The following BMP6 variants were observed in gnomAD, a reference collection of about 807,000 sequenced individuals.
The protein encoded by BMP6 is VG-1-R.
A neutral mutation model predicts 54.1 loss-of-function variants in BMP6; 17 were observed. The ratio of observed to expected loss-of-function variants is 0.31; its 90% CI spans 0.22 to 0.47. The LOEUF is 0.47. Among genes scored for constraint, BMP6 ranks in the 20% least tolerant of loss-of-function variants. The pLI, the probability that BMP6 is intolerant of heterozygous loss-of-function variation, is 1.00. For synonymous variants in BMP6, 328 were observed against 291.2 expected (o/e 1.13, Z -1.28); for missense variants, 720 against 690.4 (o/e 1.04, Z -0.48).
chr6:7,728,439 C>T lies in BMP6; in HGVS notation c.664+820C>T, dbSNP rs541103653. Among the ~76,000 whole-genome samples the T allele has an allele frequency of 4.6e-5, 7 of 152,296 alleles. No individual in the cohort carries two copies. The East Asian group carries it at 1.2e-3, about 25-fold the overall frequency. On this transcript the variant is annotated intron_variant, in intron 1 of 6. Transcript: ENST00000283147. Reference sequence around the variant, plus strand: ...TGCCAGGCAACAGAATGGAAATTCACGGGCGGCTAAATGGAGCTCCGCCAC... The same window carrying T: ...TGCCAGGCAACAGAATGGAAATTCATGGGCGGCTAAATGGAGCTCCGCCAC...
At chr6:7,777,415 C>T (rs1757877627) in intron 1 of BMP6, among the ~76,000 whole-genome samples, 1 of 152,148 alleles carries the variant, frequency 6.6e-6, no homozygotes, top group Non-Finnish European at 1.5e-5. Flanking sequence ...TACATGAATA[C>T]TTTCTTCCAA....
chr6:7,862,632 A>G (rs1759353825), intron 4 of BMP6, 134 bp downstream of exon 4: 1 of 1,162,124 alleles, frequency 8.6e-7, no homozygotes, highest in Non-Finnish European at 1.2e-6. Context: ...CATATGCATG[A>G]TGGTACCTTG....
At chr6:7,841,946 C>T (rs1758977363) in intron 1 of BMP6, among the ~76,000 whole-genome samples, 1 of 152,154 alleles carries the variant, frequency 6.6e-6, no homozygotes, top group Admixed American at 6.5e-5. Flanking sequence ...CTCCTCACAT[C>T]TTCAAATCTG....
intron 1 of BMP6, among the ~76,000 whole-genome samples, chr6:7,736,831 G>A (rs1292926966): frequency 6.6e-6 from 1 of 152,094 alleles, no homozygotes; most frequent in Admixed American, 6.5e-5. Flanking sequence ...CTGAATTCCA[G>A]CTAATTTGCC....
At chr6:7,746,969 C>G (rs1486415139) in intron 1 of BMP6, among the ~76,000 whole-genome samples, 1 of 152,220 alleles carries the variant, frequency 6.6e-6, no homozygotes, top group Non-Finnish European at 1.5e-5. Flanking sequence ...GAGCTGTCAT[C>G]TCCTGGGGGT....
chr6:7,761,655 G>A (rs1757615310), intron 1 of BMP6, among the ~76,000 whole-genome samples: 1 of 152,166 alleles, frequency 6.6e-6, no homozygotes, highest in Non-Finnish European at 1.5e-5. Context: ...TGCTGACACT[G>A]GCTGTTCTTT....
At chr6:7,817,327 T>C (rs879630307) in intron 1 of BMP6, among the ~76,000 whole-genome samples, 2 of 152,094 alleles carry the variant, frequency 1.3e-5, no homozygotes, top group Admixed American at 6.5e-5. Context: ...TATTAAAAAA[T>C]GATGTGATTA....
At chr6:7,733,215 T>C (rs1416736133) in intron 1 of BMP6, among the ~76,000 whole-genome samples, 1 of 152,212 alleles carries the variant, frequency 6.6e-6, no homozygotes, top group Non-Finnish European at 1.5e-5. Flanking sequence ...CAGGAATGAC[T>C]ATTGTTTAAC....
rs918821968 is a variant in BMP6, at chr6:7,823,660, G to A, written c.665-21480G>A. Among the ~76,000 whole-genome samples the A allele has an allele frequency of 3.9e-4, 59 of 152,288 alleles. 1 individual carries two copies. Among genetic ancestry groups the A allele is most frequent in the African/African-American group, 1.4e-3 (57 of 41,570 alleles). ...AGGTCTCTCTGAGGAGATGATATGTGAGCAGAGATGTGACAAGGGGAGAGA... is the reference window on the plus strand; with the variant it reads ...AGGTCTCTCTGAGGAGATGATATGTAAGCAGAGATGTGACAAGGGGAGAGA... On this transcript the variant is annotated intron_variant, in intron 1 of 6. Coordinates refer to ENST00000283147, the MANE Select transcript of BMP6 (RefSeq NM_001718.6).
intron 1 of BMP6, among the ~76,000 whole-genome samples, chr6:7,812,152 T>C (rs1222312306): frequency 1.3e-5 from 2 of 152,132 alleles, no homozygotes; most frequent in Non-Finnish European, 2.9e-5. Context: ...TGTTATTGGA[T>C]TGAGAAAAAT....
At chr6:7,746,177 A>G (rs1757344147) in intron 1 of BMP6, among the ~76,000 whole-genome samples, 1 of 152,168 alleles carries the variant, frequency 6.6e-6, no homozygotes, top group South Asian at 2.1e-4. Context: ...AGGTGCCTGA[A>G]TCCGAGCGTG....
intron 1 of BMP6, among the ~76,000 whole-genome samples, chr6:7,769,678 A>G (rs1197493349): frequency 6.6e-6 from 1 of 152,190 alleles, no homozygotes. Context: ...AACAATTTAG[A>G]AAAACAATTC....
intron 2 of BMP6, among the ~76,000 whole-genome samples, chr6:7,860,084 A>G (rs267205): frequency 0.31 from 46,730 of 152,048 alleles, 7,987 homozygotes; most frequent in East Asian, 0.66. Flanking sequence ...TTGAATCCAA[A>G]ACTAGGTCCT....
intron 1 of BMP6, among the ~76,000 whole-genome samples, chr6:7,735,435 C>A (rs562486311): frequency 6.6e-6 from 1 of 152,188 alleles, no homozygotes; most frequent in African/African-American, 2.4e-5. Context: ...CTATGAATTA[C>A]ATTTAAATAG....
chr6:7,737,824 A>G (rs996556046), intron 1 of BMP6, among the ~76,000 whole-genome samples: 9 of 152,230 alleles, frequency 5.9e-5, no homozygotes, highest in African/African-American at 2.2e-4. Context: ...ACCCACTGCA[A>G]TGGTTAAGTA....
chr6:7,811,449 G>A (rs1341419926), intron 1 of BMP6, among the ~76,000 whole-genome samples: 2 of 152,210 alleles, frequency 1.3e-5, no homozygotes, highest in Non-Finnish European at 2.9e-5. Flanking sequence ...CATGGTAGTT[G>A]CTATGTCCGC....
At chr6:7,799,019 A>G (rs992155012) in intron 1 of BMP6, among the ~76,000 whole-genome samples, 8 of 152,182 alleles carry the variant, frequency 5.3e-5, no homozygotes, top group African/African-American at 1.7e-4. Flanking sequence ...CTCTCACCAC[A>G]TCATGTACTG....
At chr6:7,841,669 C>T (rs1229291379) in intron 1 of BMP6, among the ~76,000 whole-genome samples, 1 of 152,088 alleles carries the variant, frequency 6.6e-6, no homozygotes, top group African/African-American at 2.4e-5. Context: ...ACAGGAGCAG[C>T]TTAGAAGACC....
chr6:7,870,705 G>A (rs963220702), intron 4 of BMP6, among the ~76,000 whole-genome samples: 4 of 152,150 alleles, frequency 2.6e-5, no homozygotes, highest in African/African-American at 7.2e-5. Flanking sequence ...TCAGCTCACT[G>A]CAACCTCTGC....
Sources: gnomAD v4.1 joint callset for allele counts (sites outside exome capture counted in the v4.1 genomes callset) on GRCh38, gnomAD v4.1.1 for gene constraint, MANE v1.5 for transcripts, NCBI Gene and HGNC (gene_info 2026-07-23, HGNC 2026-07-21) for gene names.